SPATA31H1: variants seen among roughly 807,000 people sequenced by gnomAD.
The protein encoded by SPATA31H1 is SPATA31 subfamily H member 1.
chr2:27,580,362 G>A, the SPATA31H1 span: 1 of 1,614,042 alleles, frequency 6.2e-7, no homozygotes, highest in African/African-American at 1.3e-5. Flanking sequence ...CAACCTACCA[G>A]AGAGTGACTC....
the SPATA31H1 span, chr2:27,578,981 G>A: frequency 5.0e-6 from 8 of 1,614,080 alleles, no homozygotes; most frequent in Non-Finnish European, 5.9e-6. Flanking sequence ...GCTCCGATAA[G>A]ACAGCTAACA....
chr2:27,563,602 C>T, the SPATA31H1 span, among the ~76,000 whole-genome samples: 1 of 151,432 alleles, frequency 6.6e-6, no homozygotes, highest in Admixed American at 6.6e-5. Context: ...CTCTGTCACC[C>T]AGCCTGGAGT....
At chr2:27,561,036 T>TA in the SPATA31H1 span, among the ~76,000 whole-genome samples, 1 of 152,132 alleles carries the variant, frequency 6.6e-6, no homozygotes, top group Non-Finnish European at 1.5e-5. Context: ...GGGAAGGTCT[T>TA]CTACTGGATT....
the SPATA31H1 span, among the ~76,000 whole-genome samples, chr2:27,551,421 T>C: frequency 1.3e-5 from 2 of 152,098 alleles, no homozygotes; most frequent in Non-Finnish European, 1.5e-5. Context: ...TGATGTTTTA[T>C]GCTAGGCACC....
At chr2:27,575,322 C>T in the SPATA31H1 span, 4 of 398,372 alleles carry the variant, frequency 1.0e-5, no homozygotes, top group African/African-American at 8.2e-5. This position sits in a 1 kb window ranked among gnomAD's most constrained non-coding sequence, Gnocchi z 4.1. Context: ...ATGGCCAGAC[C>T]TTCAAAGTGT....
chr2:27,551,426 G>C, the SPATA31H1 span, among the ~76,000 whole-genome samples: 1 of 151,956 alleles, frequency 6.6e-6, no homozygotes, highest in Non-Finnish European at 1.5e-5. Context: ...TTTTATGCTA[G>C]GCACCTGGGA....
At chr2:27,566,772 GAT>G in the SPATA31H1 span, 1 of 715,834 alleles carries the variant, frequency 1.4e-6, no homozygotes, top group Non-Finnish European at 2.6e-6. Context: ...TGAATCACAG[GAT>G]ATGATTTCTT....
chr2:27,573,349 A>C, the SPATA31H1 span: 7 of 398,304 alleles, frequency 1.8e-5, no homozygotes, highest in African/African-American at 1.4e-4. Flanking sequence ...AACTCTGTGC[A>C]GTGGATACCA....
chr2:27,543,489 C>CT, the SPATA31H1 span, among the ~76,000 whole-genome samples: 81,720 of 145,684 alleles, frequency 0.56, 23,532 homozygotes, highest in East Asian at 0.84. Context: ...ATGGCAAGGG[C>CT]TTTTTTTTTG....
the SPATA31H1 span, chr2:27,579,462 A>G: frequency 1.9e-6 from 3 of 1,614,208 alleles, no homozygotes; most frequent in South Asian, 3.3e-5. Flanking sequence ...TCAGAGACAT[A>G]CTTTTTATCA....
the SPATA31H1 span, chr2:27,574,982 G>T: frequency 2.5e-6 from 1 of 398,532 alleles, no homozygotes; most frequent in South Asian, 1.3e-4. Context: ...CTTCTGAATT[G>T]ACTGTAGGTA....
chr2:27,570,472 A>T, the SPATA31H1 span: 1 of 398,958 alleles, frequency 2.5e-6, no homozygotes, highest in East Asian at 3.6e-5. Context: ...CATAGTGTGA[A>T]TTTTGTAGAG....
the SPATA31H1 span, chr2:27,578,196 T>C: frequency 1.9e-6 from 3 of 1,614,114 alleles, no homozygotes; most frequent in South Asian, 1.1e-5. Flanking sequence ...ATATATTGAG[T>C]TGACTCCAAA....
At chr2:27,549,234 AT>A in the SPATA31H1 span, among the ~76,000 whole-genome samples, 1 of 152,004 alleles carries the variant, frequency 6.6e-6, no homozygotes, top group Non-Finnish European at 1.5e-5. Context: ...CAGAATTCAT[AT>A]TTTTTGAGGA....
chr2:27,579,960 C>T, the SPATA31H1 span: 2 of 1,614,204 alleles, frequency 1.2e-6, no homozygotes, highest in Non-Finnish European at 1.7e-6. Flanking sequence ...ATGTTCAGGA[C>T]TTAATTGCCA....
the SPATA31H1 span, chr2:27,568,474 G>C: frequency 2.5e-6 from 1 of 398,888 alleles, no homozygotes; most frequent in Non-Finnish European, 4.4e-6. Context: ...TATGTGAAAG[G>C]AATTCCAGTG....
At chr2:27,548,759 T>C in the SPATA31H1 span, among the ~76,000 whole-genome samples, 13 of 151,790 alleles carry the variant, frequency 8.6e-5, no homozygotes, top group Non-Finnish European at 5.9e-5. Flanking sequence ...TTTATTTTAT[T>C]CTGTCCATTT....
At chr2:27,570,120 G>A in the SPATA31H1 span, 1 of 398,736 alleles carries the variant, frequency 2.5e-6, no homozygotes, top group Non-Finnish European at 4.4e-6. Flanking sequence ...CAAATTTTCT[G>A]ATTTGATCCC....
At chr2:27,544,621 GC>G in the SPATA31H1 span, among the ~76,000 whole-genome samples, 41,652 of 148,782 alleles carry the variant, frequency 0.28, 6,379 homozygotes, top group East Asian at 0.49. Context: ...TGCAGCCTCT[GC>G]CTCCCAGATT....
Sources: allele counts gnomAD v4.1 joint callset (sites outside exome capture counted in the v4.1 genomes callset), GRCh38; gene constraint gnomAD v4.1.1; non-coding constraint Gnocchi (gnomAD v3.1); transcripts MANE v1.5; gene names NCBI Gene and HGNC (gene_info 2026-07-23, HGNC 2026-07-21).